Variants in ALS2 observed in about 807,000 individuals in gnomAD.
The protein encoded by ALS2 is alsin Rho guanine nucleotide exchange factor ALS2.
In ALS2, 117 loss-of-function variants were observed where a neutral mutation model predicts 203.4. The ratio of observed to expected loss-of-function variants is 0.58; its 90% confidence interval spans 0.50 to 0.67. The LOEUF (loss-of-function observed/expected upper bound fraction) is 0.67. ALS2 is among the 30% of genes least tolerant of loss of function. The pLI is 0.00. For missense variants in ALS2, 1,715 were observed against 1,989.4 expected (o/e 0.86, Z 2.62); for synonymous variants, 718 against 725.9 (o/e 0.99, Z 0.17).
chr2:201,705,463 T>C lies in ALS2; in HGVS notation c.4581-2A>G. 1 of 1,609,484 alleles carries C rather than the reference T, an allele frequency of 6.2e-7. No homozygotes were observed. Among genetic ancestry groups the C allele is most frequent in the Non-Finnish European group, 8.5e-7 (1 of 1,175,916 alleles). On this transcript the variant is annotated splice_acceptor_variant, in intron 29 of 33. Coordinates refer to ENST00000264276, the MANE Select transcript of ALS2 (RefSeq NM_020919.4). LOFTEE classifies it high-confidence loss of function. ...GACAAGGTTGCTGGCCAAAATTTCCTATAATGGAATCCATAAATTATTAAT... is the reference window on the plus strand; with the variant it reads ...GACAAGGTTGCTGGCCAAAATTTCCCATAATGGAATCCATAAATTATTAAT...
At chr2:201,753,503 T>C (rs747134047) in intron 6 of ALS2, among the ~76,000 whole-genome samples, 1 of 152,194 alleles carries the variant, frequency 6.6e-6, no homozygotes, top group Non-Finnish European at 1.5e-5. Flanking sequence ...TGATTCTTTA[T>C]AGCAAAAAGT....
At chr2:201,707,159 C>T (rs1347003591) in intron 28 of ALS2, 137 bp from the exon 29 acceptor site, 14 of 762,270 alleles carry the variant, frequency 1.8e-5, no homozygotes, top group African/African-American at 1.2e-4. Context: ...TTACTCTGCT[C>T]TTTACATATG....
At chr2:201,740,437 C>T (rs1692199034) in intron 11 of ALS2, among the ~76,000 whole-genome samples, 1 of 151,614 alleles carries the variant, frequency 6.6e-6, no homozygotes, top group Non-Finnish European at 1.5e-5. Flanking sequence ...AAGCATAAGG[C>T]CTAAAGTACC....
chr2:201,758,118 C>T (rs1574779815), intron 4 of ALS2, among the ~76,000 whole-genome samples: 1 of 152,084 alleles, frequency 6.6e-6, no homozygotes, highest in Admixed American at 6.5e-5. Context: ...TGCACTGTGA[C>T]AGCCCTGGAC....
chr2:201,709,008 T>C (rs1461291260), intron 27 of ALS2, among the ~76,000 whole-genome samples: 3 of 152,250 alleles, frequency 2.0e-5, no homozygotes, highest in Non-Finnish European at 4.4e-5. Flanking sequence ...ATTTCCAATG[T>C]TGAGGCAAAC....
rs368315644 is a variant in ALS2 at position 201,761,418 on chromosome 2, C to T, written c.576G>A (p.Pro192=). 3.6e-5 allele frequency: 58 copies of T among 1,607,524 alleles called. No homozygotes were observed. The highest frequency in any genetic ancestry group is 5.0e-5 in the Admixed American group (3 of 59,836). ...GCCCAGCAAGATGTTCTACCTTTTG[C>T]GGCTTTGTCACTGGGAAGGCAGTGG... ...LITTAFPVTK[P]QKVEHLAGRV... is the part of the protein sequence containing the mutation. Residue 192 remains proline (P), a synonymous_variant, in exon 4 of 34, where the codon CCG becomes CCA. Coordinates refer to ENST00000264276, the MANE Select transcript of ALS2 (RefSeq NM_020919.4).
intron 4 of ALS2, chr2:201,760,137 A>G: frequency 1.7e-6 from 1 of 574,508 alleles, no homozygotes; most frequent in Non-Finnish European, 2.2e-6. Flanking sequence ...AGCCTGGGCA[A>G]CAGGCTCTAC....
chr2:201,763,135 G>A, intron 3 of ALS2: 1 of 213,470 alleles, frequency 4.7e-6, no homozygotes, highest in South Asian at 7.9e-5. Context: ...CCAAGGAGGT[G>A]GCCACTGCCA....
intron 3 of ALS2, chr2:201,763,428 C>T: frequency 4.1e-6 from 1 of 241,870 alleles, no homozygotes; most frequent in Admixed American, 4.5e-5. Context: ...GATGCCATCT[C>T]CAAGACCTAC....
At chr2:201,737,097 C>G (rs1331005253) in intron 12 of ALS2, among the ~76,000 whole-genome samples, 3 of 152,172 alleles carry the variant, frequency 2.0e-5, no homozygotes, top group Non-Finnish European at 4.4e-5. Flanking sequence ...TCAACAACCT[C>G]AGACCAAAAA....
chr2:201,729,717 A>T (rs1337096265), intron 13 of ALS2, among the ~76,000 whole-genome samples: 2 of 151,700 alleles, frequency 1.3e-5, no homozygotes, highest in African/African-American at 2.4e-5. Flanking sequence ...CGTATTCACT[A>T]AAAAAATACA....
intron 12 of ALS2, among the ~76,000 whole-genome samples, chr2:201,735,897 C>G (rs1408581896): frequency 6.6e-6 from 1 of 152,146 alleles, no homozygotes; most frequent in Non-Finnish European, 1.5e-5. Context: ...ATTAAACTTG[C>G]TTTTCTTCAA....
chr2:201,770,319 A>G (rs1168172215), intron 1 of ALS2, among the ~76,000 whole-genome samples: 1 of 152,242 alleles, frequency 6.6e-6, no homozygotes, highest in African/African-American at 2.4e-5. Context: ...CCTACTAACA[A>G]TCAAAAATGT....
At chr2:201,767,135 C>T (rs1203320268) in intron 3 of ALS2, 94 bp downstream of exon 3, 3 of 1,440,492 alleles carry the variant, frequency 2.1e-6, no homozygotes, top group Non-Finnish European at 2.9e-6. Context: ...AGAAAAAGAA[C>T]CCCTAGTATC....
chr2:201,746,804 C>T (rs534723941), intron 8 of ALS2, 56 bp from the exon 9 acceptor site: 8 of 1,598,334 alleles, frequency 5.0e-6, no homozygotes, highest in East Asian at 2.2e-5. Context: ...GAGAGAACTT[C>T]GGATCCACAG....
Position 201,715,931 on chromosome 2 carries a change from C to T in ALS2, c.3837-92G>A, listed in dbSNP as rs1574678357. 4 of 1,461,818 alleles carry T rather than the reference C, an allele frequency of 2.7e-6. No homozygotes were observed. The South Asian group carries it at 3.5e-5, about 13-fold the overall frequency. 90.6% of individuals were successfully genotyped at this position (1,461,818 alleles called of 1,614,324 possible). A position where few individuals can be genotyped will look rare whatever the true frequency, so the allele number is the denominator to read the frequency against. On this transcript the variant is annotated intron_variant, in intron 24 of 33. Transcript: ENST00000264276. ...ACTTTCTAACATACAACTGAGAATG[C>T]TTTTTTCGTGACCAAAACTGCCAAG...
intron 31 of ALS2, 112 bp downstream of exon 31, chr2:201,705,027 A>G: frequency 9.6e-7 from 1 of 1,040,520 alleles, no homozygotes; most frequent in South Asian, 1.4e-5. Flanking sequence ...CACCATCAGC[A>G]TATAGAATGG....
intron 14 of ALS2, 66 bp downstream of exon 14, chr2:201,728,986 T>C (rs745652447): frequency 8.7e-6 from 14 of 1,611,450 alleles, no homozygotes; most frequent in Admixed American, 1.7e-5. Flanking sequence ...CAGAGAAAAT[T>C]GTATCAATTG....
Position 201,746,732 on chromosome 2 carries a change from C to G in ALS2, c.1832G>C (p.Gly611Ala), listed in dbSNP as rs201335536. The G allele has an allele frequency of 6.6e-5, 106 of 1,614,170 alleles. No individual in the cohort carries two copies. The African/African-American group carries it at 1.3e-3, about 20-fold the overall frequency. Residue 611 changes from glycine (G) to alanine (A), a missense_variant, in exon 9 of 34, where the codon GGA becomes GCA. Around this residue, in one of 3 missense-constraint regions of ALS2, gnomAD observed 1,227 missense variants for 1,413.5 expected, o/e 0.87. Transcript: ENST00000264276. ...CCTGCCTGCAGCTATGCTCCAGACT[C>G]CATTTTCACTGCTTATCTGCAACGA... ...PRLAKISSEN[G>A]VWSIAAGRDY...
Sources: gnomAD v4.1 joint callset for allele counts (sites outside exome capture counted in the v4.1 genomes callset) on GRCh38, gnomAD v4.1.1 for gene constraint, gnomAD v4.1.1 regional missense constraint, MANE v1.5 for transcripts, NCBI Gene and HGNC (gene_info 2026-07-23, HGNC 2026-07-21) for gene names.